The following CFL2 variants were observed in gnomAD, a reference collection of about 807,000 sequenced individuals.
CFL2 encodes the protein cofilin-2.
In CFL2, 10 loss-of-function variants were observed where a neutral mutation model predicts 19.6. That is an observed-to-expected ratio of 0.51 (90% CI 0.31 to 0.86). The LOEUF (loss-of-function observed/expected upper bound fraction) is 0.86. Among genes scored for constraint, CFL2 ranks in the 40% least tolerant of loss-of-function variants. The pLI is 0.04. For synonymous variants in CFL2, 63 were observed against 66.7 expected (o/e 0.95, Z 0.27); for missense variants, 125 against 192.1 (o/e 0.65, Z 2.06).
In CFL2 at chr14:34,712,593, T is replaced by C. The variant is rs960519798; in HGVS notation, c.*272A>G. The stretch of plus-strand genomic sequence containing the variant: ...TTGACGATCACATACATTGTAGTGC[T>C]TGCTGCAAGGGAGGCATATAACCAG... On this transcript the variant is annotated 3_prime_UTR_variant, in exon 4 of 4. Transcript: ENST00000298159. The C allele has an allele frequency of 5.2e-6, 3 of 580,190 alleles. No homozygotes were observed. In the African/African-American group the frequency reaches 5.5e-5, roughly 11 times the overall value. 35.9% of individuals were successfully genotyped at this position (580,190 alleles called of 1,614,324 possible).
chr14:34,713,693 G>T, intron 1 of CFL2, 132 bp from the exon 2 acceptor site: 1 of 1,612,872 alleles, frequency 6.2e-7, no homozygotes, highest in African/African-American at 1.3e-5. Context: ...CGTCCAATCA[G>T]ATTTGTCACA....
chr14:34,712,777 A>G lies in CFL2; in HGVS notation c.*88T>C, dbSNP rs1566524822. The G allele has an allele frequency of 1.2e-6, 1 of 816,874 alleles. No homozygotes were observed. Among genetic ancestry groups the G allele is most frequent in the African/African-American group, 1.7e-5 (1 of 59,614 alleles). The allele number at this position is 816,874 out of a possible 1,614,324, so 50.6% of individuals were successfully genotyped here. A position where few individuals can be genotyped will look rare whatever the true frequency, so the allele number is the denominator to read the frequency against. ...GGCCCAGTGGAAAGGGGGAAATACAACAAAAAACCAAAACCTAATACTATT... is the reference window on the plus strand; with the variant it reads ...GGCCCAGTGGAAAGGGGGAAATACAGCAAAAAACCAAAACCTAATACTATT... On this transcript the variant is annotated 3_prime_UTR_variant, in exon 4 of 4. Transcript: ENST00000298159.
chr14:34,710,710 T>G lies in CFL2; in HGVS notation c.*2155A>C. ...AAAGATGAACTTAATTATATTAGTA[T>G]CAGTTTTGTCAATCTAGCAAATCAA... On this transcript the variant is annotated 3_prime_UTR_variant, in exon 4 of 4. Transcript: ENST00000298159. 4.4e-6 allele frequency: 2 copies of G among 451,986 alleles called. No individual in the cohort carries two copies. Among genetic ancestry groups the G allele is most frequent in the Non-Finnish European group, 8.8e-6 (2 of 226,192 alleles). 28.0% of individuals were successfully genotyped at this position (451,986 alleles called of 1,614,324 possible). A position where few individuals can be genotyped will look rare whatever the true frequency, so the allele number is the denominator to read the frequency against.
chr14:34,712,042 G>C lies in CFL2; in HGVS notation c.*823C>G. The C allele has an allele frequency of 2.2e-6, 1 of 454,490 alleles. No individual in the cohort carries two copies. The highest frequency in any genetic ancestry group is 1.6e-5 in the South Asian group (1 of 64,476). 28.2% of individuals were successfully genotyped at this position (454,490 alleles called of 1,614,324 possible). ...ATGCCACAATTTTTATTGCAACGTG[G>C]CCATTTTTGTGAGGGTGGGGAGTTT... On this transcript the variant is annotated 3_prime_UTR_variant, in exon 4 of 4. Transcript: ENST00000298159.
rs1885218776 is a variant in CFL2, at chr14:34,709,636, A to G, written c.*3229T>C. On this transcript the variant is annotated 3_prime_UTR_variant, in exon 4 of 4. Coordinates refer to ENST00000298159, the MANE Select transcript of CFL2 (RefSeq NM_138638.5). Reference sequence around the variant, plus strand: ...CAAAAGAGATACAAAAAAAAAAAAAAAAAAAATTAGGCATGGTGGTGCATG... The same window carrying G: ...CAAAAGAGATACAAAAAAAAAAAAAGAAAAAATTAGGCATGGTGGTGCATG... The G allele has an allele frequency of 1.3e-5, 2 of 151,146 alleles. No individual in the cohort carries two copies. Among genetic ancestry groups the G allele is most frequent in the Admixed American group, 6.6e-5 (1 of 15,072 alleles). The allele number at this position is 151,146 out of a possible 1,614,324, so 9.4% of individuals were successfully genotyped here. A position where few individuals can be genotyped will look rare whatever the true frequency, so the allele number is the denominator to read the frequency against.
rs1468855938 is a variant in CFL2, at chr14:34,711,388, G to A, written c.*1477C>T. ...AAATAGCCCTGGCTAACAGCAAACC[G>A]CTCACACTGAGCAGATCAAATTCTC... On this transcript the variant is annotated 3_prime_UTR_variant, in exon 4 of 4. Coordinates refer to ENST00000298159, the MANE Select transcript of CFL2 (RefSeq NM_138638.5). 4 of 454,334 alleles carry A rather than the reference G, an allele frequency of 8.8e-6. No individual in the cohort carries two copies. Among genetic ancestry groups the A allele is most frequent in the East Asian group, 6.9e-5 (1 of 14,412 alleles). The allele number at this position is 454,334 out of a possible 1,614,324, so 28.1% of individuals were successfully genotyped here.
Position 34,711,455 on chromosome 14 carries a change from A to C in CFL2, c.*1410T>G, listed in dbSNP as rs1007203750. 2.4e-6 allele frequency: 1 copy of C among 408,816 alleles called. No individual in the cohort carries two copies. The highest frequency in any genetic ancestry group is 2.9e-5 in the African/African-American group (1 of 34,994). 25.3% of individuals were successfully genotyped at this position (408,816 alleles called of 1,614,324 possible). On this transcript the variant is annotated 3_prime_UTR_variant, in exon 4 of 4. Transcript: ENST00000298159. ...TGGACCATAGCCAAATCCCACTACT[A>C]ATGTTTAAGACTGCTATTATCAATT...
Position 34,711,672 on chromosome 14 carries a change from C to T in CFL2, c.*1193G>A, listed in dbSNP as rs1300865015. 1 of 445,248 alleles carries T rather than the reference C, an allele frequency of 2.2e-6. No homozygotes were observed. The highest frequency in any genetic ancestry group is 2.5e-5 in the Admixed American group (1 of 40,298). The allele number at this position is 445,248 out of a possible 1,614,324, so 27.6% of individuals were successfully genotyped here. A position where few individuals can be genotyped will look rare whatever the true frequency, so the allele number is the denominator to read the frequency against. Reference sequence around the variant, plus strand: ...AATGTAAATGTGAATAAAAAAATAACTATGCTAATTTATCCAGAGAACAAA... The same window carrying T: ...AATGTAAATGTGAATAAAAAAATAATTATGCTAATTTATCCAGAGAACAAA... On this transcript the variant is annotated 3_prime_UTR_variant, in exon 4 of 4. Transcript: ENST00000298159.
intron 1 of CFL2, chr14:34,713,792 AG>A: frequency 6.2e-7 from 1 of 1,604,614 alleles, no homozygotes; most frequent in South Asian, 1.1e-5. Context: ...TGGAAGCGAA[AG>A]GGACAAATAC....
At chr14:34,714,366 A>AG (rs1236712395) in intron 1 of CFL2, 172 bp downstream of exon 1, 2 of 1,088,554 alleles carry the variant, frequency 1.8e-6, no homozygotes, top group Non-Finnish European at 2.4e-6. Flanking sequence ...GCAGCAGGGC[A>AG]GGGCCTGACG....
intron 1 of CFL2, chr14:34,714,156 C>A: frequency 2.7e-6 from 1 of 368,034 alleles, no homozygotes; most frequent in Non-Finnish European, 4.9e-6. Flanking sequence ...TTATTACAGG[C>A]CGTCCAGACC....
In CFL2 at chr14:34,709,726, T is replaced by A. The variant is rs1885222558; in HGVS notation, c.*3139A>T. The A allele has an allele frequency of 7.0e-6, 1 of 142,912 alleles. No individual in the cohort carries two copies. Among genetic ancestry groups the A allele is most frequent in the Non-Finnish European group, 1.5e-5 (1 of 67,202 alleles). 8.9% of individuals were successfully genotyped at this position (142,912 alleles called of 1,614,324 possible). ...TCATCTGAGCTGGGAAGGTTGAGTTTGAAGTGAGCTGAAATTTTGACACTG... is the reference window on the plus strand; with the variant it reads ...TCATCTGAGCTGGGAAGGTTGAGTTAGAAGTGAGCTGAAATTTTGACACTG... On this transcript the variant is annotated 3_prime_UTR_variant, in exon 4 of 4. Coordinates refer to ENST00000298159, the MANE Select transcript of CFL2 (RefSeq NM_138638.5).
At chr14:34,713,752 C>T in intron 1 of CFL2, 191 bp from the exon 2 acceptor site, 1 of 1,611,934 alleles carries the variant, frequency 6.2e-7, no homozygotes, top group South Asian at 1.1e-5. Flanking sequence ...CTCATCCTGC[C>T]CATTCATCCT....
chr14:34,710,936 T>C lies in CFL2; in HGVS notation c.*1929A>G, dbSNP rs1566522744. On this transcript the variant is annotated 3_prime_UTR_variant, in exon 4 of 4. Transcript: ENST00000298159. ...ACATATGGTTAAGTATACGTCAGTA[T>C]TCTCTGTTTTGCTTATCAGAGTTTG... is the stretch of plus-strand genomic sequence containing the variant. The C allele has an allele frequency of 2.2e-6, 1 of 454,118 alleles. No individual in the cohort carries two copies. The highest frequency in any genetic ancestry group is 2.0e-5 in the African/African-American group (1 of 50,128). The allele number at this position is 454,118 out of a possible 1,614,324, so 28.1% of individuals were successfully genotyped here.
Position 34,711,251 on chromosome 14 carries a change from G to A in CFL2, c.*1614C>T, listed in dbSNP as rs1419361764. 2.2e-6 allele frequency: 1 copy of A among 454,482 alleles called. No individual in the cohort carries two copies. Among genetic ancestry groups the A allele is most frequent in the East Asian group, 6.9e-5 (1 of 14,402 alleles). 28.2% of individuals were successfully genotyped at this position (454,482 alleles called of 1,614,324 possible). A position where few individuals can be genotyped will look rare whatever the true frequency, so the allele number is the denominator to read the frequency against. On this transcript the variant is annotated 3_prime_UTR_variant, in exon 4 of 4. Coordinates refer to ENST00000298159, the MANE Select transcript of CFL2 (RefSeq NM_138638.5). ...CCTCTGAGCTATGGGGTTAAGTTCT[G>A]AGCCACGACTGACTGCTTACTAGCA... is the stretch of plus-strand genomic sequence containing the variant.
In CFL2 at chr14:34,712,865, T is replaced by C; in HGVS notation, c.501A>G (p.Ter167=). The change falls in exon 4 of 4, where the codon TAA becomes TAG. Residue 167 remains the stop codon, a stop_retained_variant. Coordinates refer to ENST00000298159, the MANE Select transcript of CFL2 (RefSeq NM_138638.5). ...VVVSLEGKPL[*] ...ATCCAGATGGCACTTGACTGTCATT[T>C]TATAATGGTTTTCCTTCAAGTGAAA... is the stretch of plus-strand genomic sequence containing the variant. 1 of 1,486,716 alleles carries C rather than the reference T, an allele frequency of 6.7e-7. No homozygotes were observed. Among genetic ancestry groups the C allele is most frequent in the East Asian group, 2.3e-5 (1 of 44,226 alleles). 92.1% of individuals were successfully genotyped at this position (1,486,716 alleles called of 1,614,324 possible).
chr14:34,711,751 A>T lies in CFL2; in HGVS notation c.*1114T>A, dbSNP rs1437217216. 2.3e-6 allele frequency: 1 copy of T among 441,412 alleles called. No homozygotes were observed. The highest frequency in any genetic ancestry group is 7.0e-5 in the East Asian group (1 of 14,362). 27.3% of individuals were successfully genotyped at this position (441,412 alleles called of 1,614,324 possible). A position where few individuals can be genotyped will look rare whatever the true frequency, so the allele number is the denominator to read the frequency against. On this transcript the variant is annotated 3_prime_UTR_variant, in exon 4 of 4. Coordinates refer to ENST00000298159, the MANE Select transcript of CFL2 (RefSeq NM_138638.5). ...GTGCAAAAAATAATTTCTGATCTTCATATTAACACATAGGAAATAAATACA... is the reference window on the plus strand; with the variant it reads ...GTGCAAAAAATAATTTCTGATCTTCTTATTAACACATAGGAAATAAATACA...
chr14:34,713,608 T>G (rs772401948), intron 1 of CFL2, 47 bp from the exon 2 acceptor site: 4 of 1,613,554 alleles, frequency 2.5e-6, no homozygotes, highest in East Asian at 2.2e-5. Context: ...ATTTTGGTTT[T>G]AACCAAAATT....
At position 34,712,958 on chromosome 14, in the gene CFL2, T is replaced by G; in HGVS notation, c.408A>C (p.Gln136His). The G allele has an allele frequency of 6.2e-7, 1 of 1,608,186 alleles. No homozygotes were observed. Among genetic ancestry groups the G allele is most frequent in the Non-Finnish European group, 8.5e-7 (1 of 1,174,638 alleles). Residue 136 changes from glutamine (Q) to histidine (H), a missense_variant, in exon 4 of 4, where the codon CAA (glutamine) becomes CAC (histidine). Transcript: ENST00000298159. Reference sequence around the variant, plus strand: ...CCTTAATATCATCCAAGCCATTTACTTGCCACTCATGTTTAATACCTAAAA... The same window carrying G: ...CCTTAATATCATCCAAGCCATTTACGTGCCACTCATGTTTAATACCTAAAA... The part of the protein sequence containing the change: ...KKFTGIKHEW[Q>H]VNGLDDIKDR...
Sources: allele counts gnomAD v4.1 joint callset, GRCh38; gene constraint gnomAD v4.1.1; transcripts MANE v1.5; gene names NCBI Gene and HGNC (gene_info 2026-07-23, HGNC 2026-07-21).